FMNL2: variants seen among roughly 807,000 people sequenced by gnomAD.
FMNL2 encodes formin like 2, also known as formin-like protein 2.
A neutral mutation model predicts 130.2 loss-of-function variants in FMNL2; 51 were observed. That is an observed-to-expected ratio of 0.39 (90% CI 0.31 to 0.49). The LOEUF is 0.49. Ranked by LOEUF, FMNL2 falls within the 20% of genes least tolerant of loss-of-function variation. The pLI is 0.85. For missense variants in FMNL2, 977 were observed against 1,316.2 expected (o/e 0.74, Z 3.99); for synonymous variants, 465 against 467.1 (o/e 1.00, Z 0.06).
Position 152,459,636 on chromosome 2 carries a change from C to T in FMNL2, c.118-62307C>T, listed in dbSNP as rs151222629. ...CATTGAGAGAAGATCTTTTAAAAAA[C>T]GAGCTATTTCAGAGTTCCTATTATA... On this transcript the variant is annotated intron_variant, in intron 1 of 25. Coordinates refer to ENST00000288670, the MANE Select transcript of FMNL2 (RefSeq NM_052905.4). Among the ~76,000 whole-genome samples, 1,061 of 152,166 alleles carry T rather than the reference C, an allele frequency of 7.0e-3. 12 individuals are homozygous for T. Among genetic ancestry groups the T allele is most frequent in the African/African-American group, 0.024 (1,007 of 41,510 alleles).
chr2:152,366,773 C>G (rs887978926), intron 1 of FMNL2, among the ~76,000 whole-genome samples: 1 of 152,120 alleles, frequency 6.6e-6, no homozygotes, highest in Non-Finnish European at 1.5e-5. Flanking sequence ...CAAGACCAGC[C>G]TGGGCAACAC....
chr2:152,420,926 C>T (rs140415758), intron 1 of FMNL2, among the ~76,000 whole-genome samples: 6 of 152,294 alleles, frequency 3.9e-5, no homozygotes, highest in Non-Finnish European at 8.8e-5. Context: ...GGGTTTCGGA[C>T]TCAGATTTGC....
chr2:152,611,135 T>C (rs1393495050), intron 10 of FMNL2, among the ~76,000 whole-genome samples: 1 of 152,158 alleles, frequency 6.6e-6, no homozygotes, highest in African/African-American at 2.4e-5. Flanking sequence ...GGTCAGGTGT[T>C]TGAGACCAGC....
At position 152,603,442 on chromosome 2, in the gene FMNL2, G is replaced by A. The variant is rs947162065; in HGVS notation, c.877-3897G>A. On this transcript the variant is annotated intron_variant, in intron 9 of 25. Transcript: ENST00000288670. ...AAGATTAGAGGTATTTCTCTGTTTT[G>A]TAACGCACATGTTCTCAGTAGGGAT... Among the ~76,000 whole-genome samples, 5 of 121,910 alleles carry A rather than the reference G, an allele frequency of 4.1e-5. No individual in the cohort carries two copies. The Admixed American group carries it at 4.4e-4, about 11-fold the overall frequency. The allele number at this position is 121,910 out of a possible 152,430, so 80.0% of individuals were successfully genotyped here.
intron 4 of FMNL2, among the ~76,000 whole-genome samples, chr2:152,556,777 C>T (rs1169351204): frequency 6.6e-6 from 1 of 152,074 alleles, no homozygotes; most frequent in Non-Finnish European, 1.5e-5. Context: ...GGAAAATCAA[C>T]CAGAAGAAAC....
intron 1 of FMNL2, among the ~76,000 whole-genome samples, chr2:152,469,901 A>G (rs546634851): frequency 1.3e-5 from 2 of 152,280 alleles, no homozygotes; most frequent in Admixed American, 1.3e-4. Context: ...TTGGCTGTAT[A>G]CTGCATTTTA....
At position 152,578,947 on chromosome 2, in the gene FMNL2, GAAC is replaced by G. The variant is rs1558979250; in HGVS notation, c.771_773del (p.Asn257del). The G allele has an allele frequency of 6.2e-7, 1 of 1,613,104 alleles. No homozygotes were observed. Among genetic ancestry groups the G allele is most frequent in the Non-Finnish European group, 8.5e-7 (1 of 1,179,442 alleles). ...CTGTCAATGAGATTGCACTAAGCCT[GAAC>G]AACAAGAATCCCAGGTAAGCTGCTT... On this transcript the variant is annotated inframe_deletion, in exon 8 of 26. Transcript: ENST00000288670.
intron 25 of FMNL2, chr2:152,645,539 T>A (rs1406610486): frequency 1.6e-6 from 2 of 1,282,806 alleles, no homozygotes; most frequent in African/African-American, 3.0e-5. Context: ...CAAGCATCAC[T>A]TTTTACTTAG....
At chr2:152,375,564 A>G (rs1025443072) in intron 1 of FMNL2, among the ~76,000 whole-genome samples, 2 of 152,152 alleles carry the variant, frequency 1.3e-5, no homozygotes, top group African/African-American at 4.8e-5. Context: ...CTGATACCTC[A>G]TCTATACATA....
intron 1 of FMNL2, among the ~76,000 whole-genome samples, chr2:152,380,012 C>T (rs1201308154): frequency 5.3e-5 from 8 of 152,112 alleles, no homozygotes; most frequent in South Asian, 4.1e-4. Context: ...TAGATGTGGA[C>T]GGAATAGTGA....
chr2:152,439,909 C>T (rs567814469), intron 1 of FMNL2, among the ~76,000 whole-genome samples: 18 of 151,372 alleles, frequency 1.2e-4, no homozygotes, highest in African/African-American at 3.9e-4. Context: ...ACCGTTAATA[C>T]ATTTTTAAAT....
At chr2:152,496,899 T>C (rs1019164176) in intron 1 of FMNL2, among the ~76,000 whole-genome samples, 1 of 150,726 alleles carries the variant, frequency 6.6e-6, no homozygotes, top group Admixed American at 6.9e-5. Flanking sequence ...TCCAAGCTTA[T>C]CTTGGATTTT....
At chr2:152,435,889 A>G (rs1196413747) in intron 1 of FMNL2, among the ~76,000 whole-genome samples, 1 of 152,126 alleles carries the variant, frequency 6.6e-6, no homozygotes, top group Non-Finnish European at 1.5e-5. Flanking sequence ...GGGTGCAGAG[A>G]CTTTACGAGG....
chr2:152,421,135 C>T (rs1332098425), intron 1 of FMNL2, among the ~76,000 whole-genome samples: 8 of 152,130 alleles, frequency 5.3e-5, no homozygotes, highest in Admixed American at 4.6e-4. Context: ...ACTCATTTCC[C>T]CTTTAGGCAT....
chr2:152,508,760 G>A (rs957877385), intron 1 of FMNL2, among the ~76,000 whole-genome samples: 5 of 152,146 alleles, frequency 3.3e-5, no homozygotes, highest in African/African-American at 4.8e-5. Flanking sequence ...AGCCAGGGTC[G>A]TGTCCCCCAG....
In FMNL2 at chr2:152,621,017, G is replaced by C. The variant is rs564942531; in HGVS notation, c.1837+1299G>C. ...GGAGCAGAGTCATCGTGGAACTGAT[G>C]GACTATGGAATATAAACAGACAAAC... On this transcript the variant is annotated intron_variant, in intron 15 of 25. Transcript: ENST00000288670. 1.4e-5 allele frequency: 14 copies of C among 985,346 alleles called. No individual in the cohort carries two copies. In the South Asian group the frequency reaches 6.1e-4, roughly 43 times the overall value. 61.0% of individuals were successfully genotyped at this position (985,346 alleles called of 1,614,324 possible).
At chr2:152,383,513 T>C (rs1453485198) in intron 1 of FMNL2, among the ~76,000 whole-genome samples, 1 of 152,050 alleles carries the variant, frequency 6.6e-6, no homozygotes, top group African/African-American at 2.4e-5. Flanking sequence ...GATGGGATGA[T>C]AGTTTGAACA....
intron 1 of FMNL2, among the ~76,000 whole-genome samples, chr2:152,420,700 A>C (rs913825566): frequency 6.6e-6 from 1 of 152,200 alleles, no homozygotes; most frequent in African/African-American, 2.4e-5. Context: ...ATTAATGTGG[A>C]GATCTGCAGA....
intron 11 of FMNL2, among the ~76,000 whole-genome samples, chr2:152,613,158 T>C (rs761757487): frequency 1.5e-4 from 23 of 152,232 alleles, no homozygotes; most frequent in Non-Finnish European, 3.1e-4. Flanking sequence ...TTCCTTTTTA[T>C]TTAAAGGCTC....
Sources: allele counts gnomAD v4.1 joint callset (sites outside exome capture counted in the v4.1 genomes callset), GRCh38; gene constraint gnomAD v4.1.1; transcripts MANE v1.5; gene names NCBI Gene and HGNC (gene_info 2026-07-23, HGNC 2026-07-21).